Variants in GNG2 observed in about 807,000 individuals in gnomAD.
The protein encoded by GNG2 is G protein subunit gamma 2, also known as guanine nucleotide-binding protein G(I)/G(S)/G(O) subunit gamma-2.
Under a neutral mutation model 5.5 loss-of-function variants are expected in GNG2, and 5 were observed. The ratio of observed to expected loss-of-function variants is 0.91; its 90% CI spans 0.48 to 1.92. The LOEUF (loss-of-function observed/expected upper bound fraction) is 1.92. GNG2 is among the 30% of genes most tolerant of loss of function. The pLI, the probability that GNG2 is intolerant of heterozygous loss-of-function variation, is 0.01. For missense variants in GNG2, 55 were observed against 88.4 expected (o/e 0.62, Z 1.52); for synonymous variants, 28 against 32.0 (o/e 0.88, Z 0.42).
At chr14:51,964,403 C>A (rs1223610640) in intron 3 of GNG2, among the ~76,000 whole-genome samples, 1 of 152,164 alleles carries the variant, frequency 6.6e-6, no homozygotes, top group Non-Finnish European at 1.5e-5. Context: ...AATACCTGTA[C>A]CTCTTTGTGT....
intron 1 of GNG2, among the ~76,000 whole-genome samples, chr14:51,869,329 T>C (rs1204054897): frequency 6.6e-6 from 1 of 152,224 alleles, no homozygotes; most frequent in Non-Finnish European, 1.5e-5. Context: ...GAGGGTAGCT[T>C]CAGAGTTACT....
chr14:51,965,518 T>C (rs900491734), intron 3 of GNG2, among the ~76,000 whole-genome samples: 1 of 152,184 alleles, frequency 6.6e-6, no homozygotes, highest in African/African-American at 2.4e-5. Context: ...TACAGGGAAC[T>C]CATAACAAGC....
chr14:51,937,370 T>C (rs973362651), intron 2 of GNG2, among the ~76,000 whole-genome samples: 2 of 132,866 alleles, frequency 1.5e-5, no homozygotes, highest in Non-Finnish European at 3.4e-5. Flanking sequence ...ATGAGAAATC[T>C]TCCCAAAAGG....
At chr14:51,916,911 T>A (rs1323386481) in intron 2 of GNG2, among the ~76,000 whole-genome samples, 1 of 152,174 alleles carries the variant, frequency 6.6e-6, no homozygotes, top group Non-Finnish European at 1.5e-5. Flanking sequence ...ATTATCTGGG[T>A]GATCAGGTGT....
intron 1 of GNG2, among the ~76,000 whole-genome samples, chr14:51,863,296 A>T (rs545328834): frequency 6.6e-6 from 1 of 152,224 alleles, no homozygotes; most frequent in Middle Eastern, 3.2e-3. Flanking sequence ...ACCTTGGTAC[A>T]TTAACTTAGG....
At chr14:51,964,774 G>A (rs955381049) in intron 3 of GNG2, among the ~76,000 whole-genome samples, 4 of 152,180 alleles carry the variant, frequency 2.6e-5, no homozygotes, top group Admixed American at 6.5e-5. Context: ...GACTCCGGAA[G>A]GTGAGGCGGG....
intron 2 of GNG2, among the ~76,000 whole-genome samples, chr14:51,837,074 G>T (rs998588550): frequency 2.0e-5 from 3 of 151,836 alleles, no homozygotes; most frequent in African/African-American, 4.8e-5. Context: ...GGCCAGGCTG[G>T]TCTCAAACTC....
intron 2 of GNG2, among the ~76,000 whole-genome samples, chr14:51,925,791 T>G (rs529098056): frequency 6.6e-6 from 1 of 151,968 alleles, no homozygotes; most frequent in African/African-American, 2.4e-5. Flanking sequence ...TTTGTAATTT[T>G]TTTTTTTTTT....
At chr14:51,907,301 A>G (rs1328853563) in intron 2 of GNG2, among the ~76,000 whole-genome samples, 1 of 152,262 alleles carries the variant, frequency 6.6e-6, no homozygotes, top group Non-Finnish European at 1.5e-5. Flanking sequence ...TTATATAAAA[A>G]TACATGTACA....
chr14:51,966,745 T>C lies in GNG2; in HGVS notation c.*58T>C, dbSNP rs1889942895. On this transcript the variant is annotated 3_prime_UTR_variant, in exon 4 of 4. Transcript: ENST00000556766. Reference sequence around the variant, plus strand: ...TCCTGGGACATTGATGTAGAGTTTTTAGTGAAGTGGGCACCTTTCTAGTCC... The same window carrying C: ...TCCTGGGACATTGATGTAGAGTTTTCAGTGAAGTGGGCACCTTTCTAGTCC... 9 of 1,487,600 alleles carry C rather than the reference T, an allele frequency of 6.1e-6. No homozygotes were observed. Among genetic ancestry groups the C allele is most frequent in the Non-Finnish European group, 7.5e-6 (8 of 1,066,140 alleles). The allele number at this position is 1,487,600 out of a possible 1,614,324, so 92.2% of individuals were successfully genotyped here. A position where few individuals can be genotyped will look rare whatever the true frequency, so the allele number is the denominator to read the frequency against.
intron 2 of GNG2, among the ~76,000 whole-genome samples, chr14:51,909,340 A>G (rs1886149982): frequency 6.6e-6 from 1 of 152,138 alleles, no homozygotes; most frequent in South Asian, 2.1e-4. Context: ...CAGAAGGTGA[A>G]TTTTCAAGTG....
chr14:51,937,255 A>C (rs8009095), intron 2 of GNG2, among the ~76,000 whole-genome samples: 16,335 of 152,290 alleles, frequency 0.11, 1,427 homozygotes, highest in East Asian at 0.41. Context: ...TAATAGCCTT[A>C]AAAGATGGAA....
chr14:51,913,010 G>T (rs2140206231), intron 2 of GNG2: 2 of 152,212 alleles, frequency 1.3e-5, no homozygotes, highest in South Asian at 4.2e-4. Context: ...CTTTCAAAGG[G>T]ATGATACTGT....
intron 3 of GNG2, among the ~76,000 whole-genome samples, chr14:51,956,727 C>T (rs1316914259): frequency 6.6e-6 from 1 of 152,168 alleles, no homozygotes; most frequent in African/African-American, 2.4e-5. Flanking sequence ...CAGGCAATTT[C>T]CCGTGTGTAT....
intron 1 of GNG2, among the ~76,000 whole-genome samples, chr14:51,866,239 G>T (rs890356905): frequency 6.6e-6 from 1 of 152,208 alleles, no homozygotes; most frequent in African/African-American, 2.4e-5. Context: ...GAGGAGAGGG[G>T]CTGAAAACTG....
intron 2 of GNG2, chr14:51,916,572 A>G: frequency 2.3e-6 from 1 of 436,694 alleles, no homozygotes; most frequent in South Asian, 1.6e-5. Flanking sequence ...GCGGATTTGC[A>G]GCTGGCGCAG....
rs1594973269 is a variant in GNG2 at position 51,966,950 on chromosome 14, T to C, written c.*263T>C. On this transcript the variant is annotated 3_prime_UTR_variant, in exon 4 of 4. Transcript: ENST00000556766. ...AATAAAATTGGTGTCACTTCTTTTC[T>C]GCTATCCCCCAGCCCCCCCCCCAAA... The C allele has an allele frequency of 1.8e-5, 3 of 167,002 alleles. No homozygotes were observed. Among genetic ancestry groups the C allele is most frequent in the East Asian group, 2.8e-4 (2 of 7,118 alleles). 10.3% of individuals were successfully genotyped at this position (167,002 alleles called of 1,614,324 possible).
At chr14:51,889,629 T>C (rs556000466) in intron 2 of GNG2, among the ~76,000 whole-genome samples, 1 of 152,348 alleles carries the variant, frequency 6.6e-6, no homozygotes, top group Admixed American at 6.5e-5. Context: ...ATTTCCCTTT[T>C]TTTGTTTGCT....
At chr14:51,959,863 C>T (rs1030933251) in intron 3 of GNG2, among the ~76,000 whole-genome samples, 1 of 152,096 alleles carries the variant, frequency 6.6e-6, no homozygotes, top group South Asian at 2.1e-4. Context: ...TACTACCTTC[C>T]AACATTCTCT....
Sources: gnomAD v4.1 joint callset for allele counts (sites outside exome capture counted in the v4.1 genomes callset) on GRCh38, gnomAD v4.1.1 for gene constraint, MANE v1.5 for transcripts, NCBI Gene and HGNC (gene_info 2026-07-23, HGNC 2026-07-21) for gene names.